Variants in KLHL24 observed in about 807,000 individuals in gnomAD.
KLHL24 encodes the protein kelch like family member 24.
A neutral mutation model predicts 53.4 loss-of-function variants in KLHL24; 29 were observed. That is an observed-to-expected ratio of 0.54 (90% confidence interval 0.40 to 0.74). The LOEUF (loss-of-function observed/expected upper bound fraction) is 0.74, where lower values mean the gene tolerates loss of function less well. Among genes scored for constraint, KLHL24 ranks in the 30% least tolerant of loss-of-function variants. The pLI, the probability that KLHL24 is intolerant of heterozygous loss-of-function variation, is 0.00. For missense variants in KLHL24, 504 were observed against 744.0 expected (o/e 0.68, Z 3.75); for synonymous variants, 222 against 253.7 (o/e 0.88, Z 1.19).
chr3:183,656,035 A>ATTT (rs1164537420), intron 3 of KLHL24, among the ~76,000 whole-genome samples: 1 of 104,440 alleles, frequency 9.6e-6, no homozygotes, highest in African/African-American at 4.4e-5. Context: ...TGCCCTTAGC[A>ATTT]TCTTTTTTTT....
At position 183,640,826 on chromosome 3, in the gene KLHL24, C is replaced by T. The variant is rs184086552; in HGVS notation, c.-124-2654C>T. Among the ~76,000 whole-genome samples, 24 of 151,966 alleles carry T rather than the reference C, an allele frequency of 1.6e-4. No individual in the cohort carries two copies. The East Asian group carries it at 4.5e-3, about 28-fold the overall frequency. ...TATGTTGGCCAGGCTGGTCTCGAAC[C>T]CTTGACCTCGTGATCCGCCTGCCTC... On this transcript the variant is annotated intron_variant, in intron 1 of 7. Transcript: ENST00000242810.
chr3:183,642,813 A>G (rs1347463819), intron 1 of KLHL24: 4 of 126,716 alleles, frequency 3.2e-5, no homozygotes, highest in African/African-American at 1.0e-4. Flanking sequence ...CAAATATCCA[A>G]AGTGTATTCA....
chr3:183,665,618 C>A (rs1004522340), intron 5 of KLHL24, among the ~76,000 whole-genome samples: 1 of 151,814 alleles, frequency 6.6e-6, no homozygotes, highest in Non-Finnish European at 1.5e-5. Flanking sequence ...GGGTTGGTGG[C>A]GGGTGCCTGT....
intron 2 of KLHL24, among the ~76,000 whole-genome samples, chr3:183,644,672 G>A (rs3849576): frequency 0.32 from 48,572 of 151,848 alleles, 8,310 homozygotes; most frequent in East Asian, 0.47. Context: ...AAAATAAGGG[G>A]CAGATAATAG....
At chr3:183,675,082 C>T (rs1283488436) in intron 7 of KLHL24, among the ~76,000 whole-genome samples, 2 of 152,060 alleles carry the variant, frequency 1.3e-5, no homozygotes, top group South Asian at 2.1e-4. Context: ...ATTTAGTCTT[C>T]TTGAGGACAC....
At position 183,650,346 on chromosome 3, in the gene KLHL24, C is replaced by T. The variant is rs755974857; in HGVS notation, c.-11C>T. On this transcript the variant is annotated 5_prime_UTR_variant, in exon 3 of 8. Transcript: ENST00000242810. The surrounding 1 kb of genome is among the most constrained non-coding windows in gnomAD (Gnocchi z 4.5). The stretch of plus-strand genomic sequence containing the variant: ...CATTTCTCAACAATTATATAGTCAA[C>T]TGATGTAACAATGGTACTAATATTG... The T allele has an allele frequency of 6.3e-7, 1 of 1,599,226 alleles. No homozygotes were observed. The highest frequency in any genetic ancestry group is 1.7e-4 in the Middle Eastern group (1 of 5,998).
rs1048440651 is a variant in KLHL24, at chr3:183,684,384, C to T, written c.*5098C>T. On this transcript the variant is annotated 3_prime_UTR_variant, in exon 8 of 8. Transcript: ENST00000242810. ...AATTGTTCTTAGTTAAGTTGTAGCA[C>T]GTGAATACTTACTTACATGTTTTGT... 2.6e-5 allele frequency: 4 copies of T among 152,658 alleles called. No individual in the cohort carries two copies. Among genetic ancestry groups the T allele is most frequent in the South Asian group, 2.1e-4 (1 of 4,830 alleles). The allele number at this position is 152,658 out of a possible 1,614,324, so 9.5% of individuals were successfully genotyped here. A position where few individuals can be genotyped will look rare whatever the true frequency, so the allele number is the denominator to read the frequency against.
rs765889525 is a variant in KLHL24 at position 183,650,914 on chromosome 3, ATG to A, written c.559_560del (p.Cys187GlnfsTer9). The A allele has an allele frequency of 1.9e-6, 3 of 1,614,246 alleles. No homozygotes were observed. The highest frequency in any genetic ancestry group is 2.5e-6 in the Non-Finnish European group (3 of 1,180,048). ...ATTCACTCAAAACACTCTTCACAAA[ATG>A]CAAAAATTTTGCGTTACAGACTTTT... ...THSLKTLFTK[C>X]KNFALQTFED... On this transcript the variant is annotated frameshift_variant, in exon 3 of 8. Coordinates refer to ENST00000242810, the MANE Select transcript of KLHL24 (RefSeq NM_017644.3). LOFTEE classifies it high-confidence loss of function. The surrounding 1 kb of genome is among the most constrained non-coding windows in gnomAD (Gnocchi z 4.5).
At chr3:183,670,714 GA>G (rs1243924186) in intron 5 of KLHL24, among the ~76,000 whole-genome samples, 1 of 151,542 alleles carries the variant, frequency 6.6e-6, no homozygotes, top group Non-Finnish European at 1.5e-5. Flanking sequence ...CTTAGAAGAT[GA>G]AAAAAAATGT....
intron 1 of KLHL24, among the ~76,000 whole-genome samples, chr3:183,638,096 T>G (rs949963113): frequency 1.3e-5 from 2 of 152,226 alleles, no homozygotes; most frequent in African/African-American, 4.8e-5. Context: ...TCTCCTGTGA[T>G]CAGAACCGCC....
intron 1 of KLHL24, among the ~76,000 whole-genome samples, chr3:183,640,626 G>C (rs1716263551): frequency 7.6e-6 from 1 of 132,268 alleles, no homozygotes; most frequent in Admixed American, 7.6e-5. Context: ...TTGAGACAGA[G>C]TCTTGCTCTG....
At chr3:183,678,339 T>C (rs768405236) in intron 7 of KLHL24, among the ~76,000 whole-genome samples, 78 of 152,178 alleles carry the variant, frequency 5.1e-4, no homozygotes, top group Non-Finnish European at 9.4e-4. Context: ...ATATAATGAA[T>C]ATTGTTCCTA....
At chr3:183,637,433 C>G (rs1715494416) in intron 1 of KLHL24, among the ~76,000 whole-genome samples, 1 of 152,126 alleles carries the variant, frequency 6.6e-6, no homozygotes, top group Non-Finnish European at 1.5e-5. Flanking sequence ...TGTTTTAATT[C>G]CCGTGGTAAT....
chr3:183,639,069 CAG>C (rs1715862823), intron 1 of KLHL24, among the ~76,000 whole-genome samples: 1 of 151,562 alleles, frequency 6.6e-6, no homozygotes, highest in Non-Finnish European at 1.5e-5. Flanking sequence ...GGTGTGGCCG[CAG>C]GCGGCTGTAA....
At chr3:183,655,192 G>C (rs1718674389) in intron 3 of KLHL24, among the ~76,000 whole-genome samples, 1 of 152,200 alleles carries the variant, frequency 6.6e-6, no homozygotes, top group South Asian at 2.1e-4. Context: ...ATTAAAAACA[G>C]TGTGGTGGTA....
intron 7 of KLHL24, among the ~76,000 whole-genome samples, chr3:183,674,847 TC>T (rs1026338164): frequency 1.1e-4 from 16 of 152,328 alleles, no homozygotes; most frequent in Admixed American, 3.9e-4. Context: ...TCTAAACAGA[TC>T]ATAAATGTTC....
chr3:183,647,845 A>G (rs1351863784), intron 2 of KLHL24, among the ~76,000 whole-genome samples: 1 of 152,134 alleles, frequency 6.6e-6, no homozygotes, highest in East Asian at 1.9e-4. Context: ...TCTACTAAAA[A>G]AAGTACAAAA....
At chr3:183,659,880 G>A (rs1009490123) in intron 3 of KLHL24, among the ~76,000 whole-genome samples, 2 of 152,186 alleles carry the variant, frequency 1.3e-5, no homozygotes, top group Middle Eastern at 3.2e-3. Context: ...GAATCACATA[G>A]CAGAAATGTG....
At chr3:183,656,104 T>C (rs1192131678) in intron 3 of KLHL24, among the ~76,000 whole-genome samples, 1 of 144,862 alleles carries the variant, frequency 6.9e-6, no homozygotes, top group Admixed American at 7.2e-5. Context: ...TGGTGTGTAG[T>C]GGTGCCATCA....
Sources: allele counts gnomAD v4.1 joint callset (sites outside exome capture counted in the v4.1 genomes callset), GRCh38; gene constraint gnomAD v4.1.1; non-coding constraint Gnocchi (gnomAD v3.1); transcripts MANE v1.5; gene names NCBI Gene and HGNC (gene_info 2026-07-23, HGNC 2026-07-21).